The following DHRSX variants were observed in gnomAD, a reference collection of about 807,000 sequenced individuals.
The protein encoded by DHRSX is polyprenol dehydrogenase.
In DHRSX, 31 loss-of-function variants were observed where a neutral mutation model predicts 34.0. The observed-to-expected ratio is 0.91, with a 90% CI of 0.69 to 1.23. The LOEUF (loss-of-function observed/expected upper bound fraction) is 1.23, where lower values mean the gene tolerates loss of function less well. DHRSX is among the 50% of genes most tolerant of loss of function. The pLI is 0.00. For missense variants in DHRSX, 414 were observed against 428.1 expected (o/e 0.97, Z 0.29); for synonymous variants, 201 against 183.8 (o/e 1.09, Z -0.76).
chrX:2,350,173 A>G (rs1223971258), intron 3 of DHRSX, among the ~76,000 whole-genome samples: 5 of 152,092 alleles, frequency 3.3e-5, no homozygotes, highest in African/African-American at 9.7e-5. Context: ...AACATGGGGA[A>G]ACACCGTCTC....
intron 3 of DHRSX, among the ~76,000 whole-genome samples, chrX:2,298,606 A>ACACACACACACACACACACGCG (rs1556457155): frequency 4.1e-5 from 2 of 48,410 alleles, no homozygotes; most frequent in African/African-American, 1.1e-4. Flanking sequence ...GTGTGTACAC[A>ACACACACACACACACACACGCG]CACACACACA....
chrX:2,428,605 C>G (rs781057419), intron 1 of DHRSX, among the ~76,000 whole-genome samples: 2 of 152,230 alleles, frequency 1.3e-5, no homozygotes, highest in African/African-American at 4.8e-5. Context: ...GAACATCACA[C>G]ACCAGGGCCT....
chrX:2,230,719 A>C (rs1193927795), intron 6 of DHRSX, among the ~76,000 whole-genome samples: 2 of 152,180 alleles, frequency 1.3e-5, no homozygotes, highest in Non-Finnish European at 2.9e-5. Flanking sequence ...CCAGACTGTG[A>C]CAGGGCAATC....
At chrX:2,459,550 G>GTATATA (rs57748851) in intron 1 of DHRSX, among the ~76,000 whole-genome samples, 11,532 of 137,206 alleles carry the variant, frequency 0.084, 602 homozygotes, top group Admixed American at 0.12. Flanking sequence ...GTGTCTGTGT[G>GTATATA]TATATATATA....
intron 1 of DHRSX, among the ~76,000 whole-genome samples, chrX:2,485,866 G>T (rs1436850621): frequency 7.9e-6 from 1 of 127,112 alleles, no homozygotes; most frequent in Non-Finnish European, 1.8e-5. Flanking sequence ...AAGAAGGGAA[G>T]GGAGGGAAGG....
At chrX:2,449,344 C>T (rs1425387328) in intron 1 of DHRSX, among the ~76,000 whole-genome samples, 1 of 152,144 alleles carries the variant, frequency 6.6e-6, no homozygotes, top group East Asian at 1.9e-4. Flanking sequence ...AGGCTGTCCC[C>T]TAACACACAC....
At chrX:2,461,706 T>G (rs6567525) in intron 1 of DHRSX, among the ~76,000 whole-genome samples, 18,321 of 152,084 alleles carry the variant, frequency 0.12, 1,504 homozygotes, top group Non-Finnish European at 0.17. Flanking sequence ...CATGTTTGGC[T>G]AATTTTTATT....
At chrX:2,274,661 C>T (rs2041600909) in intron 4 of DHRSX, among the ~76,000 whole-genome samples, 1 of 146,860 alleles carries the variant, frequency 6.8e-6, no homozygotes, top group Admixed American at 6.8e-5. Context: ...GAACTCCTGA[C>T]CCCAAGTGAT....
intron 1 of DHRSX, chrX:2,488,661 C>T: frequency 1.2e-6 from 2 of 1,610,198 alleles, no homozygotes. Flanking sequence ...TCCCTAATGC[C>T]AAAGAAACCG....
In DHRSX at chrX:2,331,436, GTTTTT is replaced by G. The variant is rs1159991841; in HGVS notation, c.287-39838_287-39834del. Among the ~76,000 whole-genome samples the G allele has an allele frequency of 5.1e-4, 48 of 94,662 alleles. 1 individual carries two copies. The highest frequency in any genetic ancestry group is 7.5e-4 in the Non-Finnish European group (35 of 46,464). The allele number at this position is 94,662 out of a possible 152,430, so 62.1% of individuals were successfully genotyped here. On this transcript the variant is annotated intron_variant, in intron 3 of 6. Coordinates refer to ENST00000334651, the MANE Select transcript of DHRSX (RefSeq NM_145177.3). The stretch of plus-strand genomic sequence containing the variant: ...GGAATCCTTTCAGGAAGGTTTTTTG[GTTTTT>G]TTTTTTTTTTTTTTTTTTTTTTTGA...
chrX:2,338,065 G>C (rs1177727093), intron 3 of DHRSX: 1 of 151,674 alleles, frequency 6.6e-6, no homozygotes, highest in Non-Finnish European at 1.5e-5. Flanking sequence ...AGGCATGGTG[G>C]CTCATGCCTG....
intron 5 of DHRSX, among the ~76,000 whole-genome samples, chrX:2,252,048 G>A (rs1202828151): frequency 4.6e-5 from 7 of 152,018 alleles, no homozygotes; most frequent in African/African-American, 1.7e-4. Context: ...GACTAGCCTG[G>A]CCAACATGGT....
rs777971287 is a variant in DHRSX at position 2,399,433 on chromosome X, G to A, written c.286+9312C>T. ...AAAAAAAAAAAAACACAGGCCAGGC[G>A]TGATAGCTCACGCCTGTAATCCCAG... On this transcript the variant is annotated intron_variant, in intron 3 of 6. Transcript: ENST00000334651. Among the ~76,000 whole-genome samples, 14 of 150,976 alleles carry A rather than the reference G, an allele frequency of 9.3e-5. No homozygotes were observed. In the East Asian group the frequency reaches 2.5e-3, roughly 27 times the overall value.
chrX:2,291,888 A>ATT (rs2041870137), intron 3 of DHRSX, among the ~76,000 whole-genome samples: 101 of 89,250 alleles, frequency 1.1e-3, no homozygotes, highest in African/African-American at 4.5e-3. Context: ...TAATTTTTGT[A>ATT]TTTTTGTATT....
rs1241305072 is a variant in DHRSX at position 2,389,665 on chromosome X, C to A, written c.286+19080G>T. On this transcript the variant is annotated intron_variant, in intron 3 of 6. Coordinates refer to ENST00000334651, the MANE Select transcript of DHRSX (RefSeq NM_145177.3). ...GCACAAGGATGCTCCAGAGATAAAT[C>A]TTCTCTTGCCTTGTGTTTTATTTAT... 3.3e-5 allele frequency among the ~76,000 whole-genome samples: 5 copies of A among 152,226 alleles called. No individual in the cohort carries two copies. In the East Asian group the frequency reaches 9.6e-4, roughly 29 times the overall value.
chrX:2,476,398 C>CAAA (rs34249061), intron 1 of DHRSX, among the ~76,000 whole-genome samples: 1 of 102,928 alleles, frequency 9.7e-6, no homozygotes, highest in African/African-American at 3.7e-5. Flanking sequence ...AACTCCATCT[C>CAAA]AAAAAAAAAA....
intron 1 of DHRSX, chrX:2,488,983 C>T (rs1258926847): frequency 1.9e-6 from 3 of 1,603,850 alleles, no homozygotes; most frequent in East Asian, 4.5e-5. Context: ...GGCCAAGCAC[C>T]TTCTGGGACT....
intron 3 of DHRSX, among the ~76,000 whole-genome samples, chrX:2,384,414 T>C (rs1464487788): frequency 6.6e-6 from 1 of 151,666 alleles, no homozygotes; most frequent in Non-Finnish European, 1.5e-5. Flanking sequence ...TAAGGAAAGG[T>C]GTGTAGTGTG....
chrX:2,367,019 C>T (rs1344367518), intron 3 of DHRSX, among the ~76,000 whole-genome samples: 2 of 152,186 alleles, frequency 1.3e-5, no homozygotes, highest in Non-Finnish European at 2.9e-5. Context: ...AGCCATTTCA[C>T]GAACACCAGC....
Sources: allele counts gnomAD v4.1 joint callset (sites outside exome capture counted in the v4.1 genomes callset), GRCh38; gene constraint gnomAD v4.1.1; transcripts MANE v1.5; gene names NCBI Gene and HGNC (gene_info 2026-07-23, HGNC 2026-07-21).